The following GPC6 variants were observed in gnomAD, a reference collection of about 807,000 sequenced individuals.
GPC6 encodes the protein glypican 6.
In GPC6, 14 loss-of-function variants were observed where a neutral mutation model predicts 55.2. That is an observed-to-expected ratio of 0.25 (90% CI 0.17 to 0.40). The LOEUF (loss-of-function observed/expected upper bound fraction) is 0.40. Ranked by LOEUF, GPC6 falls within the 10% of genes least tolerant of loss-of-function variation. The probability of loss-of-function intolerance (pLI) is 1.00; values close to 1 mark genes in which losing one functional copy is unlikely to be tolerated. For missense variants in GPC6, 641 were observed against 708.5 expected, an observed-to-expected ratio of 0.90 and a Z score of 1.08; for synonymous variants, 278 against 259.6, an observed-to-expected ratio of 1.07 and a Z score of -0.68.
At chr13:93,721,880 A>C (rs879888059) in intron 2 of GPC6, among the ~76,000 whole-genome samples, 5 of 151,776 alleles carry the variant, frequency 3.3e-5, no homozygotes, top group South Asian at 2.1e-4. Flanking sequence ...GTGGCCACAT[A>C]GTCAAAACAC....
intron 4 of GPC6, among the ~76,000 whole-genome samples, chr13:94,163,954 T>C (rs1269078439): frequency 1.4e-4 from 22 of 151,744 alleles, no homozygotes; most frequent in Admixed American, 1.4e-3. Flanking sequence ...GTTGGGAGAG[T>C]GATCTGACCA....
intron 3 of GPC6, among the ~76,000 whole-genome samples, chr13:93,843,263 CA>C (rs1888025556): frequency 6.6e-6 from 1 of 152,084 alleles, no homozygotes; most frequent in Admixed American, 6.6e-5. Context: ...CATGTGTGTG[CA>C]TGTTTAGCCT....
At chr13:93,907,465 T>A (rs1256975249) in intron 3 of GPC6, among the ~76,000 whole-genome samples, 1 of 152,180 alleles carries the variant, frequency 6.6e-6, no homozygotes, top group Non-Finnish European at 1.5e-5. Flanking sequence ...TGATAAACGA[T>A]CTGTATTCCT....
chr13:94,006,651 G>A (rs948144207), intron 3 of GPC6, among the ~76,000 whole-genome samples: 2 of 152,088 alleles, frequency 1.3e-5, no homozygotes, highest in African/African-American at 4.8e-5. Context: ...TCCCTCCCCT[G>A]GTGCTGACAT....
chr13:94,074,152 A>G (rs1050757192), intron 4 of GPC6, among the ~76,000 whole-genome samples: 8 of 152,218 alleles, frequency 5.3e-5, no homozygotes, highest in Non-Finnish European at 1.0e-4. Context: ...ACTTTATTTG[A>G]CAAAAATCTT....
At chr13:94,255,168 C>T (rs1466340796) in intron 4 of GPC6, among the ~76,000 whole-genome samples, 4 of 152,146 alleles carry the variant, frequency 2.6e-5, no homozygotes, top group African/African-American at 9.7e-5. Flanking sequence ...GCAATTGATC[C>T]TTTTAGTGCA....
intron 1 of GPC6, among the ~76,000 whole-genome samples, chr13:93,402,083 G>C (rs951930013): frequency 6.6e-6 from 1 of 152,154 alleles, no homozygotes; most frequent in Admixed American, 6.5e-5. Context: ...GTAAAAGGAA[G>C]AGTCAGGATG....
At chr13:93,938,362 ATTCT>A (rs1878547764) in intron 3 of GPC6, among the ~76,000 whole-genome samples, 2 of 152,196 alleles carry the variant, frequency 1.3e-5, no homozygotes, top group Non-Finnish European at 2.9e-5. Flanking sequence ...AACTTCAATG[ATTCT>A]TTCTTAATTT....
chr13:94,080,458 A>T (rs1264032333), intron 4 of GPC6, among the ~76,000 whole-genome samples: 1 of 152,240 alleles, frequency 6.6e-6, no homozygotes, highest in African/African-American at 2.4e-5. Context: ...ATTATTCATT[A>T]CCTTAGATAA....
intron 2 of GPC6, among the ~76,000 whole-genome samples, chr13:93,769,184 T>A (rs1372032449): frequency 6.6e-6 from 1 of 152,090 alleles, no homozygotes; most frequent in African/African-American, 2.4e-5. Flanking sequence ...TTCCATTAAA[T>A]ATGGTAGTCT....
chr13:93,557,178 T>C (rs1050479671), intron 2 of GPC6, among the ~76,000 whole-genome samples: 3 of 152,216 alleles, frequency 2.0e-5, no homozygotes, highest in Admixed American at 1.3e-4. Flanking sequence ...TTAAATAGTT[T>C]ATAATTATAA....
At chr13:93,631,452 G>A (rs1432037318) in intron 2 of GPC6, among the ~76,000 whole-genome samples, 2 of 152,126 alleles carry the variant, frequency 1.3e-5, no homozygotes, top group Non-Finnish European at 2.9e-5. Context: ...TCGACTTCCA[G>A]CCTCCAGAAC....
intron 3 of GPC6, among the ~76,000 whole-genome samples, chr13:93,923,914 T>C (rs1028690027): frequency 2.6e-5 from 4 of 152,328 alleles, no homozygotes; most frequent in East Asian, 1.9e-4. Flanking sequence ...ATTCAGCTTC[T>C]TATTTGTGTA....
chr13:93,594,199 A>C (rs1339560005), intron 2 of GPC6, among the ~76,000 whole-genome samples: 1 of 151,768 alleles, frequency 6.6e-6, no homozygotes, highest in Non-Finnish European at 1.5e-5. Context: ...CAGGGGTACA[A>C]GTGCAGGTTT....
chr13:93,357,670 T>C (rs972973536), intron 1 of GPC6, among the ~76,000 whole-genome samples: 1 of 150,350 alleles, frequency 6.7e-6, no homozygotes, highest in Non-Finnish European at 1.5e-5. Flanking sequence ...AAAGACCCCA[T>C]CTTTACAAAA....
intron 2 of GPC6, among the ~76,000 whole-genome samples, chr13:93,722,373 C>G (rs970291723): frequency 6.6e-6 from 1 of 151,754 alleles, no homozygotes; most frequent in African/African-American, 2.4e-5. Context: ...AGTAATATGA[C>G]AAATACTTCC....
At chr13:94,000,060 G>A (rs573888781) in intron 3 of GPC6, among the ~76,000 whole-genome samples, 3 of 152,222 alleles carry the variant, frequency 2.0e-5, no homozygotes, top group Non-Finnish European at 4.4e-5. Context: ...ATGATTTTGC[G>A]TGGATATTTT....
chr13:94,271,393 C>CAA (rs1892018905), intron 4 of GPC6, among the ~76,000 whole-genome samples: 1 of 128,814 alleles, frequency 7.8e-6, no homozygotes, highest in African/African-American at 2.5e-5. Context: ...CACACACACA[C>CAA]ACACACACAC....
rs574774881 is a variant in GPC6, at chr13:93,779,994, G to A, written c.320-50160G>A. Among the ~76,000 whole-genome samples the A allele has an allele frequency of 2.2e-4, 33 of 152,228 alleles. 1 individual carries two copies. Among genetic ancestry groups the A allele is most frequent in the African/African-American group, 7.9e-4 (33 of 41,542 alleles). ...TTTTTTCCTTATGGATCCAAGGAAT[G>A]TGAGTTATCTTACAAATAGAGAACC... On this transcript the variant is annotated intron_variant, in intron 2 of 8. Coordinates refer to ENST00000377047, the MANE Select transcript of GPC6 (RefSeq NM_005708.5).
Sources: gnomAD v4.1 joint callset for allele counts (sites outside exome capture counted in the v4.1 genomes callset) on GRCh38, gnomAD v4.1.1 for gene constraint, MANE v1.5 for transcripts, NCBI Gene and HGNC (gene_info 2026-07-23, HGNC 2026-07-21) for gene names.